TP63: variants seen among roughly 807,000 people sequenced by gnomAD.
TP63 encodes tumor protein 63.
A neutral mutation model predicts 82.8 loss-of-function variants in TP63; 17 were observed. The observed-to-expected ratio is 0.21, with a 90% CI of 0.14 to 0.31. TP63 has a LOEUF of 0.31. TP63 is among the 10% of genes least tolerant of loss of function. The probability of loss-of-function intolerance (pLI) is 1.00; values close to 1 mark genes in which losing one functional copy is unlikely to be tolerated. For synonymous variants in TP63, 330 were observed against 321.7 expected, an observed-to-expected ratio of 1.03 and a Z score of -0.28; for missense variants, 648 against 895.3, an observed-to-expected ratio of 0.72 and a Z score of 3.52.
rs367763002 is a variant in TP63 at position 189,819,747 on chromosome 3, CT to C, written c.579+11243del. On this transcript the variant is annotated intron_variant, in intron 4 of 13. Transcript: ENST00000264731. ...TCACTGGTAATGGATTATATTTTACCTTTTTTTTTTTTTTTTTTTTTTGAGA... is the reference window on the plus strand; with the variant it reads ...TCACTGGTAATGGATTATATTTTACCTTTTTTTTTTTTTTTTTTTTTGAGA... Among the ~76,000 whole-genome samples the C allele has an allele frequency of 4.2e-3, 375 of 89,820 alleles. 1 individual carries two copies. Among genetic ancestry groups the C allele is most frequent in the African/African-American group, 0.015 (351 of 24,134 alleles). The allele number at this position is 89,820 out of a possible 152,430, so 58.9% of individuals were successfully genotyped here.
intron 1 of TP63, among the ~76,000 whole-genome samples, chr3:189,654,765 G>T (rs569435529): frequency 6.6e-6 from 1 of 152,192 alleles, no homozygotes; most frequent in Admixed American, 6.5e-5. Context: ...ATTTTTGTGT[G>T]TGCTGAGTTT....
intron 3 of TP63, among the ~76,000 whole-genome samples, chr3:189,773,720 T>C (rs965104608): frequency 7.9e-5 from 12 of 152,116 alleles, no homozygotes; most frequent in Non-Finnish European, 1.8e-4. Flanking sequence ...TCTCCATCAA[T>C]GGCTTTTTTT....
At chr3:189,894,073 T>C in intron 13 of TP63, 133 bp from the exon 14 acceptor site, 1 of 1,208,310 alleles carries the variant, frequency 8.3e-7, no homozygotes, top group Non-Finnish European at 1.2e-6. Context: ...GAACTAATTT[T>C]ATTTTCTAAT....
intron 3 of TP63, among the ~76,000 whole-genome samples, chr3:189,806,914 T>C (rs1438235902): frequency 6.6e-6 from 1 of 152,190 alleles, no homozygotes; most frequent in Non-Finnish European, 1.5e-5. Flanking sequence ...AATTAAAAGT[T>C]TGAAATTTTT....
At chr3:189,632,805 G>A (rs1729544439) in intron 1 of TP63, among the ~76,000 whole-genome samples, 1 of 152,026 alleles carries the variant, frequency 6.6e-6, no homozygotes, top group Admixed American at 6.6e-5. Context: ...AGATCTAGCT[G>A]CAGTTGAGGA....
intron 3 of TP63, among the ~76,000 whole-genome samples, chr3:189,760,561 G>A (rs559234649): frequency 6.6e-6 from 1 of 152,334 alleles, no homozygotes; most frequent in Non-Finnish European, 1.5e-5. Context: ...TGCCTCTGTG[G>A]TTTTGCAGGG....
chr3:189,707,230 T>C (rs1051247896), intron 1 of TP63, among the ~76,000 whole-genome samples: 1 of 152,336 alleles, frequency 6.6e-6, no homozygotes, highest in East Asian at 1.9e-4. Flanking sequence ...CTTTTCAAAA[T>C]CTTGCTAAAT....
chr3:189,640,157 T>C (rs2108616677), intron 1 of TP63, among the ~76,000 whole-genome samples: 1 of 152,112 alleles, frequency 6.6e-6, no homozygotes, highest in East Asian at 1.9e-4. Context: ...GGAAATATGC[T>C]TTCTTACAAC....
At chr3:189,760,397 T>C (rs1251383523) in intron 3 of TP63, among the ~76,000 whole-genome samples, 1 of 152,052 alleles carries the variant, frequency 6.6e-6, no homozygotes, top group East Asian at 1.9e-4. Context: ...ATGGGAGAAA[T>C]TGGCCAAAAC....
chr3:189,764,434 A>C (rs1253414470), intron 3 of TP63, among the ~76,000 whole-genome samples: 1 of 152,152 alleles, frequency 6.6e-6, no homozygotes, highest in Non-Finnish European at 1.5e-5. Flanking sequence ...AAAGGTAAAA[A>C]TTGAAACACC....
intron 3 of TP63, among the ~76,000 whole-genome samples, chr3:189,781,084 C>T (rs1724194493): frequency 6.6e-6 from 1 of 152,140 alleles, no homozygotes; most frequent in South Asian, 2.1e-4. Context: ...ATTTGGCCAA[C>T]TCTTTGTCGT....
intron 1 of TP63, among the ~76,000 whole-genome samples, chr3:189,676,939 A>C (rs1715451737): frequency 1.3e-5 from 2 of 151,938 alleles, no homozygotes; most frequent in South Asian, 4.2e-4. Flanking sequence ...CCTGGTATAC[A>C]TTGTACACAT....
At chr3:189,753,745 TTA>T (rs1348756038) in intron 3 of TP63, among the ~76,000 whole-genome samples, 1 of 152,096 alleles carries the variant, frequency 6.6e-6, no homozygotes, top group African/African-American at 2.4e-5. Flanking sequence ...CCCTTTCTTT[TTA>T]TACTGACTTC....
At chr3:189,747,069 A>G (rs1721435864) in intron 3 of TP63, among the ~76,000 whole-genome samples, 1 of 151,998 alleles carries the variant, frequency 6.6e-6, no homozygotes, top group Admixed American at 6.6e-5. Context: ...CTAAATATTT[A>G]TGTACTCAAC....
chr3:189,850,703 T>C (rs1715511844), intron 4 of TP63, among the ~76,000 whole-genome samples: 1 of 152,106 alleles, frequency 6.6e-6, no homozygotes, highest in Admixed American at 6.5e-5. Flanking sequence ...GTTGTGCACA[T>C]GTACCCTAAA....
At position 189,896,430 on chromosome 3, in the gene TP63, G is replaced by A. The variant is rs1414876115; in HGVS notation, c.*1928G>A. On this transcript the variant is annotated 3_prime_UTR_variant, in exon 14 of 14. Transcript: ENST00000264731. Reference sequence around the variant, plus strand: ...TAATGCTACAATTTTAAGAGGGGAGGGAAGGGAAAGTTTTTTTTTATTATT... The same window carrying A: ...TAATGCTACAATTTTAAGAGGGGAGAGAAGGGAAAGTTTTTTTTTATTATT... 2 of 199,926 alleles carry A rather than the reference G, an allele frequency of 1.0e-5. No individual in the cohort carries two copies. The highest frequency in any genetic ancestry group is 2.1e-5 in the Non-Finnish European group (2 of 96,910). 12.4% of individuals were successfully genotyped at this position (199,926 alleles called of 1,614,324 possible).
At chr3:189,817,794 C>T (rs1003402947) in intron 4 of TP63, among the ~76,000 whole-genome samples, 1 of 151,890 alleles carries the variant, frequency 6.6e-6, no homozygotes, top group Admixed American at 6.5e-5. Flanking sequence ...AATCTTATAT[C>T]TGTTAACCAG....
At chr3:189,672,207 T>C (rs934131733) in intron 1 of TP63, among the ~76,000 whole-genome samples, 6 of 151,956 alleles carry the variant, frequency 3.9e-5, no homozygotes, top group Middle Eastern at 3.2e-3. Flanking sequence ...AGGAAAAAAA[T>C]AGGTTGCAGC....
chr3:189,645,357 A>G (rs781714981), intron 1 of TP63: 2 of 533,218 alleles, frequency 3.8e-6, no homozygotes, highest in Non-Finnish European at 7.1e-6. Flanking sequence ...AGTAAGCAGA[A>G]CTGTACTGGG....
Sources: gnomAD v4.1 joint callset for allele counts (sites outside exome capture counted in the v4.1 genomes callset) on GRCh38, gnomAD v4.1.1 for gene constraint, MANE v1.5 for transcripts, NCBI Gene and HGNC (gene_info 2026-07-23, HGNC 2026-07-21) for gene names.